The following TBC1D22A variants were observed in gnomAD, a reference collection of about 807,000 sequenced individuals.
The protein encoded by TBC1D22A is TBC1 domain family member 22A.
Under a neutral mutation model 60.2 loss-of-function variants are expected in TBC1D22A, and 38 were observed. The observed-to-expected ratio is 0.63, with a 90% confidence interval of 0.49 to 0.83. The LOEUF is 0.83. TBC1D22A is among the 40% of genes least tolerant of loss of function. The pLI, the probability that TBC1D22A is intolerant of heterozygous loss-of-function variation, is 0.00. For missense variants in TBC1D22A, 628 were observed against 701.0 expected, an observed-to-expected ratio of 0.90 and a Z score of 1.18; for synonymous variants, 302 against 281.7, an observed-to-expected ratio of 1.07 and a Z score of -0.72.
intron 4 of TBC1D22A, among the ~76,000 whole-genome samples, chr22:46,803,320 G>T (rs2084979600): frequency 6.6e-6 from 1 of 152,190 alleles, no homozygotes; most frequent in South Asian, 2.1e-4. Flanking sequence ...CCCGGGCTGG[G>T]CTCCCAGCCT....
chr22:46,940,823 AAT>A (rs56781447), intron 8 of TBC1D22A, among the ~76,000 whole-genome samples: 5,458 of 90,858 alleles, frequency 0.06, 658 homozygotes, highest in African/African-American at 0.21. Context: ...GGGGCACTAG[AAT>A]ATATATATAT....
chr22:47,154,679 G>C (rs999001918), intron 12 of TBC1D22A, among the ~76,000 whole-genome samples: 2 of 152,242 alleles, frequency 1.3e-5, no homozygotes, highest in Non-Finnish European at 2.9e-5. Context: ...TCCGAGTTCA[G>C]ACGGCAGCTC....
intron 12 of TBC1D22A, among the ~76,000 whole-genome samples, chr22:47,135,357 A>G (rs1020658909): frequency 3.9e-5 from 6 of 152,046 alleles, no homozygotes; most frequent in Non-Finnish European, 8.8e-5. Flanking sequence ...ACCAGGTGAC[A>G]CTCTGGGCAT....
intron 12 of TBC1D22A, among the ~76,000 whole-genome samples, chr22:47,128,004 ACCCATCCC>A (rs1389174050): frequency 9.2e-5 from 4 of 43,380 alleles, no homozygotes; most frequent in African/African-American, 3.7e-4. Context: ...CCTCCACCCC[ACCCATCCC>A]CCCATCCTCC....
intron 8 of TBC1D22A, among the ~76,000 whole-genome samples, chr22:46,929,523 G>A (rs1255572717): frequency 2.6e-5 from 4 of 152,156 alleles, no homozygotes; most frequent in African/African-American, 9.7e-5. Context: ...ATGGATAGAT[G>A]CTTTAGTATT....
At chr22:46,785,941 T>C (rs1166251200) in intron 1 of TBC1D22A, among the ~76,000 whole-genome samples, 1 of 152,160 alleles carries the variant, frequency 6.6e-6, no homozygotes, top group African/African-American at 2.4e-5. Flanking sequence ...TCATCATGCC[T>C]GGTTAATTTT....
rs189764039 is a variant in TBC1D22A, at chr22:46,977,483, G to T, written c.1125+3084G>T. Reference sequence around the variant, plus strand: ...GGGGGAGTGGACAGCTGATGGAGGCGAGGACAGAATGCTGGGAGAGGAGGC... The same window carrying T: ...GGGGGAGTGGACAGCTGATGGAGGCTAGGACAGAATGCTGGGAGAGGAGGC... On this transcript the variant is annotated intron_variant, in intron 9 of 12. Transcript: ENST00000337137. Among the ~76,000 whole-genome samples, 3 of 152,210 alleles carry T rather than the reference G, an allele frequency of 2.0e-5. No homozygotes were observed. The East Asian group carries it at 5.8e-4, about 29-fold the overall frequency.
At chr22:47,097,902 G>T (rs1017495155) in intron 11 of TBC1D22A, among the ~76,000 whole-genome samples, 3 of 152,120 alleles carry the variant, frequency 2.0e-5, no homozygotes, top group Non-Finnish European at 2.9e-5. Context: ...TGACTGGTCA[G>T]AATACCCTTT....
At chr22:47,006,680 G>A (rs1349342189) in intron 10 of TBC1D22A, among the ~76,000 whole-genome samples, 18 of 152,200 alleles carry the variant, frequency 1.2e-4, no homozygotes, top group Admixed American at 1.0e-3. Flanking sequence ...CTCTAGTGGC[G>A]GTTGCACCCC....
chr22:46,873,557 G>T (rs1337142444), intron 4 of TBC1D22A, among the ~76,000 whole-genome samples: 2 of 152,042 alleles, frequency 1.3e-5, no homozygotes, highest in Non-Finnish European at 2.9e-5. Flanking sequence ...GGATGTGCAG[G>T]TTTGTTACCT....
intron 11 of TBC1D22A, among the ~76,000 whole-genome samples, chr22:47,077,797 C>T (rs2064287756): frequency 6.6e-6 from 1 of 152,160 alleles, no homozygotes; most frequent in Non-Finnish European, 1.5e-5. Context: ...GGATAAAGCT[C>T]ATTTTGTGGC....
At chr22:46,919,622 C>T (rs147596255) in intron 8 of TBC1D22A, among the ~76,000 whole-genome samples, 7 of 152,152 alleles carry the variant, frequency 4.6e-5, no homozygotes, top group East Asian at 1.9e-4. Flanking sequence ...TGCTTTCCCA[C>T]GTGGCGGCAC....
At chr22:47,018,790 A>G (rs1190805672) in intron 10 of TBC1D22A, among the ~76,000 whole-genome samples, 1 of 152,058 alleles carries the variant, frequency 6.6e-6, no homozygotes, top group Non-Finnish European at 1.5e-5. Flanking sequence ...CTGAAAATGG[A>G]GGCGACTGGG....
In TBC1D22A at chr22:46,826,043, T is replaced by C. The variant is rs1317623985; in HGVS notation, c.637+28423T>C. Among the ~76,000 whole-genome samples, 7 of 152,102 alleles carry C rather than the reference T, an allele frequency of 4.6e-5. No homozygotes were observed. In the East Asian group the frequency reaches 5.8e-4, roughly 13 times the overall value. ...GACTGCAGGTGCCCACCACCACGCCTGGCTAATTTTTTGTATTTTTAGTGA... is the reference window on the plus strand; with the variant it reads ...GACTGCAGGTGCCCACCACCACGCCCGGCTAATTTTTTGTATTTTTAGTGA... On this transcript the variant is annotated intron_variant, in intron 4 of 12. Transcript: ENST00000337137.
intron 12 of TBC1D22A, among the ~76,000 whole-genome samples, chr22:47,136,680 G>T (rs182049621): frequency 1.3e-5 from 2 of 151,050 alleles, no homozygotes; most frequent in African/African-American, 4.9e-5. Flanking sequence ...GGGATTCTGA[G>T]TGGCCTTTCA....
chr22:46,814,716 G>A (rs191716336), intron 4 of TBC1D22A, among the ~76,000 whole-genome samples: 6 of 151,662 alleles, frequency 4.0e-5, no homozygotes, highest in East Asian at 1.9e-4. Context: ...ACAAGGTCCC[G>A]GCTCACTGCA....
chr22:47,118,246 AATAC>A (rs2066141399), intron 12 of TBC1D22A, among the ~76,000 whole-genome samples: 3 of 152,256 alleles, frequency 2.0e-5, no homozygotes, highest in Admixed American at 2.0e-4. Flanking sequence ...GTATTTATGG[AATAC>A]TTACAAAAAG....
chr22:46,831,792 A>G (rs2086319733), intron 4 of TBC1D22A, among the ~76,000 whole-genome samples: 3 of 152,228 alleles, frequency 2.0e-5, no homozygotes, highest in Admixed American at 2.0e-4. Flanking sequence ...GGAAATCCCC[A>G]ATAAAATGCT....
rs183345293 is a variant in TBC1D22A, at chr22:47,004,135, G to C, written c.1201+6426G>C. Among the ~76,000 whole-genome samples, 9 of 143,426 alleles carry C rather than the reference G, an allele frequency of 6.3e-5. No individual in the cohort carries two copies. The East Asian group carries it at 2.0e-3, about 31-fold the overall frequency. The allele number at this position is 143,426 out of a possible 152,430, so 94.1% of individuals were successfully genotyped here. A position where few individuals can be genotyped will look rare whatever the true frequency, so the allele number is the denominator to read the frequency against. On this transcript the variant is annotated intron_variant, in intron 10 of 12. Coordinates refer to ENST00000337137, the MANE Select transcript of TBC1D22A (RefSeq NM_014346.5). ...TTCACAGATGCCTATACACACATCT[G>C]CTATATACACATACACACTCCTATA...
Sources: gnomAD v4.1 joint callset for allele counts (sites outside exome capture counted in the v4.1 genomes callset) on GRCh38, gnomAD v4.1.1 for gene constraint, MANE v1.5 for transcripts, NCBI Gene and HGNC (gene_info 2026-07-23, HGNC 2026-07-21) for gene names.